The following MACROD2 variants were observed in gnomAD, a reference collection of about 807,000 sequenced individuals.
MACROD2 encodes ADP-ribose glycohydrolase MACROD2.
In MACROD2, 36 loss-of-function variants were observed where a neutral mutation model predicts 70.4. The ratio of observed to expected loss-of-function variants is 0.51; its 90% CI spans 0.39 to 0.68. The LOEUF is 0.68. MACROD2 is among the 30% of genes least tolerant of loss of function. The pLI is 0.00. For missense variants in MACROD2, 496 were observed against 538.4 expected (o/e 0.92, Z 0.78); for synonymous variants, 172 against 178.8 (o/e 0.96, Z 0.30).
intron 5 of MACROD2, among the ~76,000 whole-genome samples, chr20:15,045,476 C>T (rs1280291635): frequency 8.5e-5 from 13 of 152,106 alleles, no homozygotes; most frequent in Admixed American, 6.6e-4. Flanking sequence ...CATGTCTCCA[C>T]GTTGCGCGGA....
intron 8 of MACROD2, among the ~76,000 whole-genome samples, chr20:15,516,862 C>T (rs1405351962): frequency 6.6e-6 from 1 of 152,154 alleles, no homozygotes; most frequent in South Asian, 2.1e-4. Flanking sequence ...ACTTTGTTAT[C>T]AGTAGAAATC....
chr20:15,561,225 G>C (rs149849507), intron 8 of MACROD2, among the ~76,000 whole-genome samples: 38 of 152,304 alleles, frequency 2.5e-4, no homozygotes, highest in African/African-American at 8.9e-4. Flanking sequence ...AATTGGGCTT[G>C]CTGTCATTAC....
At position 14,190,856 on chromosome 20, in the gene MACROD2, C is replaced by T. The variant is rs548553848; in HGVS notation, c.271+105128C>T. On this transcript the variant is annotated intron_variant, in intron 3 of 17. Transcript: ENST00000684519. ...CTGAGTAGCTGGGACTATAGGCGCC[C>T]GCCACTACGCCGGGCTAATATTTTG... Among the ~76,000 whole-genome samples, 27 of 150,604 alleles carry T rather than the reference C, an allele frequency of 1.8e-4. No homozygotes were observed. The South Asian group carries it at 5.0e-3, about 28-fold the overall frequency.
chr20:15,024,615 A>G (rs2122976934), intron 5 of MACROD2, among the ~76,000 whole-genome samples: 1 of 152,062 alleles, frequency 6.6e-6, no homozygotes, highest in East Asian at 1.9e-4. Flanking sequence ...TATTAATATT[A>G]TATTTTTAAA....
chr20:15,351,662 T>C (rs1180491779), intron 6 of MACROD2, among the ~76,000 whole-genome samples: 1 of 152,186 alleles, frequency 6.6e-6, no homozygotes, highest in Non-Finnish European at 1.5e-5. Flanking sequence ...TAGCAAATTA[T>C]CAACCTGAAG....
intron 3 of MACROD2, chr20:14,327,107 G>A: frequency 6.2e-7 from 1 of 1,613,780 alleles, no homozygotes; most frequent in Non-Finnish European, 8.5e-7. Context: ...TCATCTAAAT[G>A]TAATTCTTCC....
At chr20:14,659,199 C>T (rs1342482937) in intron 4 of MACROD2, among the ~76,000 whole-genome samples, 1 of 152,136 alleles carries the variant, frequency 6.6e-6, no homozygotes, top group East Asian at 1.9e-4. Flanking sequence ...GAGAAGTTAT[C>T]TCTTGGGTTA....
chr20:15,301,627 G>A (rs1237405726), intron 6 of MACROD2, among the ~76,000 whole-genome samples: 1 of 83,718 alleles, frequency 1.2e-5, no homozygotes, highest in African/African-American at 3.9e-5. Flanking sequence ...AGAGACAAGA[G>A]TATTGAAGTG....
At chr20:14,512,855 A>G (rs1160468366) in intron 4 of MACROD2, among the ~76,000 whole-genome samples, 1 of 152,082 alleles carries the variant, frequency 6.6e-6, no homozygotes, top group Non-Finnish European at 1.5e-5. Context: ...TCATAGAAAA[A>G]CTATGCAGGT....
chr20:14,110,850 C>G, intron 3 of MACROD2, among the ~76,000 whole-genome samples: 1 of 151,838 alleles, frequency 6.6e-6, no homozygotes, highest in Admixed American at 6.6e-5. Flanking sequence ...CAATGGCATT[C>G]TTCTTTACAG....
intron 3 of MACROD2, among the ~76,000 whole-genome samples, chr20:14,450,800 G>A (rs2084236750): frequency 6.6e-6 from 1 of 152,100 alleles, no homozygotes; most frequent in Non-Finnish European, 1.5e-5. Flanking sequence ...TGAAGGAAAA[G>A]GGGCTAGAAG....
chr20:14,489,091 G>A (rs2084765787), intron 3 of MACROD2, among the ~76,000 whole-genome samples: 4 of 152,128 alleles, frequency 2.6e-5, no homozygotes, highest in Non-Finnish European at 5.9e-5. Flanking sequence ...TTCAAATTCT[G>A]TAGTAGCATG....
chr20:15,278,069 G>C (rs1231346546), intron 6 of MACROD2, among the ~76,000 whole-genome samples: 8 of 152,074 alleles, frequency 5.3e-5, no homozygotes, highest in Non-Finnish European at 8.8e-5. Context: ...AAAACCTCAG[G>C]GTCCCAGTGA....
intron 5 of MACROD2, among the ~76,000 whole-genome samples, chr20:14,760,643 T>G (rs2072003859): frequency 6.6e-6 from 1 of 152,116 alleles, no homozygotes; most frequent in Admixed American, 6.5e-5. Context: ...GCCTTTTGGT[T>G]CTTTTTAACC....
At chr20:14,384,385 A>G (rs2083450957) in intron 3 of MACROD2, among the ~76,000 whole-genome samples, 1 of 152,166 alleles carries the variant, frequency 6.6e-6, no homozygotes, top group African/African-American at 2.4e-5. Context: ...TTAAAATTTT[A>G]TATTTGGCAC....
intron 8 of MACROD2, among the ~76,000 whole-genome samples, chr20:15,717,247 A>G (rs6043481): frequency 9.5e-4 from 145 of 152,338 alleles, no homozygotes; most frequent in African/African-American, 3.2e-3. Context: ...CTAAATGAAA[A>G]CATAGGCTAA....
intron 7 of MACROD2, among the ~76,000 whole-genome samples, chr20:15,485,291 G>C (rs1156576005): frequency 6.6e-6 from 1 of 151,820 alleles, no homozygotes; most frequent in Non-Finnish European, 1.5e-5. Flanking sequence ...TTTTCCCTGA[G>C]GAATTGCTTC....
At chr20:15,910,425 T>C (rs989734136) in intron 10 of MACROD2, among the ~76,000 whole-genome samples, 4 of 151,956 alleles carry the variant, frequency 2.6e-5, no homozygotes, top group Non-Finnish European at 5.9e-5. Flanking sequence ...TGTGTGTGTG[T>C]GTGTGTAACT....
intron 6 of MACROD2, among the ~76,000 whole-genome samples, chr20:15,288,474 C>T (rs2077511418): frequency 6.6e-6 from 1 of 152,136 alleles, no homozygotes; most frequent in Non-Finnish European, 1.5e-5. Flanking sequence ...AGAGTGTTTC[C>T]AGGAGAGACT....
Sources: gnomAD v4.1 joint callset for allele counts (sites outside exome capture counted in the v4.1 genomes callset) on GRCh38, gnomAD v4.1.1 for gene constraint, MANE v1.5 for transcripts, NCBI Gene and HGNC (gene_info 2026-07-23, HGNC 2026-07-21) for gene names.